ANKRD12: variants seen among roughly 807,000 people sequenced by gnomAD.
The protein encoded by ANKRD12 is ankyrin repeat domain 12.
In ANKRD12, 85 loss-of-function variants were observed where a neutral mutation model predicts 183.4. The observed-to-expected ratio is 0.46, with a 90% CI of 0.39 to 0.56. The LOEUF (loss-of-function observed/expected upper bound fraction) is 0.56. ANKRD12 is among the 20% of genes least tolerant of loss of function. ANKRD12 has a pLI of 0.00. For missense variants in ANKRD12, 2,405 were observed against 2,357.1 expected (o/e 1.02, Z -0.42); for synonymous variants, 914 against 800.2 (o/e 1.14, Z -2.40).
At chr18:9,267,908 A>G (rs1345124319) in intron 10 of ANKRD12, among the ~76,000 whole-genome samples, 1 of 152,204 alleles carries the variant, frequency 6.6e-6, no homozygotes, top group African/African-American at 2.4e-5. Flanking sequence ...GAGAAGAATC[A>G]AGTAGACGCA....
intron 10 of ANKRD12, among the ~76,000 whole-genome samples, chr18:9,265,372 C>T (rs558977714): frequency 1.6e-4 from 24 of 152,324 alleles, no homozygotes; most frequent in African/African-American, 3.8e-4. Context: ...GGGAGGCACC[C>T]CCCCAGTAGG....
chr18:9,156,152 A>AG (rs1321380448), intron 1 of ANKRD12, among the ~76,000 whole-genome samples: 228 of 148,812 alleles, frequency 1.5e-3, no homozygotes, highest in African/African-American at 5.6e-3. Context: ...AAAAAAAAAA[A>AG]AAAGAAAAAG....
At chr18:9,248,831 G>T (rs1009241119) in intron 8 of ANKRD12, among the ~76,000 whole-genome samples, 5 of 152,214 alleles carry the variant, frequency 3.3e-5, no homozygotes, top group African/African-American at 1.2e-4. Flanking sequence ...ATGGCAGTTA[G>T]TATGGGAAGT....
intron 1 of ANKRD12, among the ~76,000 whole-genome samples, chr18:9,156,730 A>C (rs943561759): frequency 2.6e-5 from 4 of 152,242 alleles, no homozygotes; most frequent in African/African-American, 9.6e-5. Flanking sequence ...ATATCCACTC[A>C]GCAAAATGTG....
At position 9,216,534 on chromosome 18, in the gene ANKRD12, C is replaced by T. The variant is rs138903684; in HGVS notation, c.653-224C>T. Among the ~76,000 whole-genome samples the T allele has an allele frequency of 3.6e-3, 555 of 152,260 alleles. 4 individuals carry two copies. The highest frequency in any genetic ancestry group is 6.8e-3 in the Middle Eastern group (2 of 294). On this transcript the variant is annotated intron_variant, in intron 6 of 12. Coordinates refer to ENST00000262126, the MANE Select transcript of ANKRD12 (RefSeq NM_015208.5). ...TTTTGACTGCATGGGGGTTAACACC[C>T]CTAACCTTCACCTTGTTCAAGGGTC... is the stretch of plus-strand genomic sequence containing the variant.
At chr18:9,141,504 C>A (rs2078314633) in intron 1 of ANKRD12, among the ~76,000 whole-genome samples, 1 of 152,104 alleles carries the variant, frequency 6.6e-6, no homozygotes, top group Non-Finnish European at 1.5e-5. Context: ...TTAGTGCGAT[C>A]CTCCAAAATT....
chr18:9,252,938 A>C (rs1223155551), intron 8 of ANKRD12, among the ~76,000 whole-genome samples: 1 of 152,212 alleles, frequency 6.6e-6, no homozygotes, highest in African/African-American at 2.4e-5. Context: ...AAAAAAGTGC[A>C]TATGTGCAGA....
At chr18:9,260,967 T>A (rs1034896929) in intron 9 of ANKRD12, among the ~76,000 whole-genome samples, 1 of 152,130 alleles carries the variant, frequency 6.6e-6, no homozygotes, top group Non-Finnish European at 1.5e-5. Flanking sequence ...CCTTTCCTGT[T>A]CCCTCCTGTG....
At position 9,257,158 on chromosome 18, in the gene ANKRD12, T is replaced by A; in HGVS notation, c.3891T>A (p.Ile1297=). ...RSSSVEDVKL[I]ISEGRPTIEV... is the part of the protein sequence containing the mutation. ...CTTCTGTAGAAGATGTTAAACTAAT[T>A]ATAAGCGAGGGGAGACCTACCATAG... The change falls in exon 9 of 13, where the codon ATT becomes ATA. Residue 1297 remains isoleucine (I), a synonymous_variant. Coordinates refer to ENST00000262126, the MANE Select transcript of ANKRD12 (RefSeq NM_015208.5). 6.2e-7 allele frequency: 1 copy of A among 1,614,146 alleles called. No homozygotes were observed. The highest frequency in any genetic ancestry group is 8.5e-7 in the Non-Finnish European group (1 of 1,179,994).
chr18:9,272,829 GT>G (rs1334922407), intron 10 of ANKRD12, among the ~76,000 whole-genome samples: 1 of 151,780 alleles, frequency 6.6e-6, no homozygotes, highest in Non-Finnish European at 1.5e-5. Flanking sequence ...ATGTTTCTTT[GT>G]TTTTTTCATG....
intron 8 of ANKRD12, chr18:9,239,683 A>G: frequency 3.1e-6 from 1 of 323,154 alleles, no homozygotes; most frequent in Non-Finnish European, 6.0e-6. Context: ...ATCTAAATTC[A>G]GAACATACTA....
In ANKRD12 at chr18:9,281,938, A is replaced by AG. The variant is rs1427467407; in HGVS notation, c.*813dup. 1.3e-5 allele frequency: 2 copies of AG among 152,608 alleles called. No individual in the cohort carries two copies. The highest frequency in any genetic ancestry group is 2.9e-5 in the Non-Finnish European group (2 of 68,014). 9.5% of individuals were successfully genotyped at this position (152,608 alleles called of 1,614,324 possible). A position where few individuals can be genotyped will look rare whatever the true frequency, so the allele number is the denominator to read the frequency against. ...TTAACTCTCCATAATTGATGCCTGC[A>AG]GTAGTGTAAGGCATTTCATACTAGT... On this transcript the variant is annotated 3_prime_UTR_variant, in exon 13 of 13. Coordinates refer to ENST00000262126, the MANE Select transcript of ANKRD12 (RefSeq NM_015208.5).
chr18:9,186,136 G>GTTTTTTTTTTTTTTT (rs1280812557), intron 2 of ANKRD12, among the ~76,000 whole-genome samples: 87 of 141,904 alleles, frequency 6.1e-4, no homozygotes, highest in Non-Finnish European at 1.0e-3. Flanking sequence ...CTAAAAGTGT[G>GTTTTTTTTTTTTTTT]ATTTTTTTTT....
chr18:9,205,355 A>C (rs781046826), intron 4 of ANKRD12, among the ~76,000 whole-genome samples: 1 of 151,854 alleles, frequency 6.6e-6, no homozygotes, highest in East Asian at 1.9e-4. Flanking sequence ...CTAAGTGTCT[A>C]GTTTTCAGCA....
At chr18:9,173,547 G>T (rs1157160184) in intron 1 of ANKRD12, among the ~76,000 whole-genome samples, 4 of 147,052 alleles carry the variant, frequency 2.7e-5, no homozygotes, top group Admixed American at 1.4e-4. Flanking sequence ...TATATCACCA[G>T]TGAAGGCTGT....
chr18:9,180,083 T>C (rs963576922), intron 1 of ANKRD12, among the ~76,000 whole-genome samples: 3 of 152,134 alleles, frequency 2.0e-5, no homozygotes, highest in African/African-American at 7.2e-5. Flanking sequence ...AGTTATGAAT[T>C]TATCTATTTT....
intron 1 of ANKRD12, among the ~76,000 whole-genome samples, chr18:9,152,817 T>C (rs1367311822): frequency 1.3e-5 from 2 of 152,144 alleles, no homozygotes; most frequent in Admixed American, 1.3e-4. Flanking sequence ...CTTTAAATGC[T>C]TTCTCACTTT....
chr18:9,211,744 A>G lies in ANKRD12; in HGVS notation c.612A>G (p.Leu204=). ...GAGATGTGAAACAAGTTAAAGAATT[A>G]ATAAGTTTAGGGGCAAATGTGAATG... ...IRGDVKQVKE[L]ISLGANVNVK... The change falls in exon 6 of 13, where the codon TTA becomes TTG. Residue 204 remains leucine, a synonymous_variant. Coordinates refer to ENST00000262126, the MANE Select transcript of ANKRD12 (RefSeq NM_015208.5). 1 of 1,613,756 alleles carries G rather than the reference A, an allele frequency of 6.2e-7. No homozygotes were observed. The highest frequency in any genetic ancestry group is 8.5e-7 in the Non-Finnish European group (1 of 1,179,792).
chr18:9,284,181 T>A lies in ANKRD12; in HGVS notation c.*3055T>A, dbSNP rs1048947995. On this transcript the variant is annotated 3_prime_UTR_variant, in exon 13 of 13. Transcript: ENST00000262126. ...CCAATAGACTTGCTTGAAGCAGGGTTGCCACAAACCTTCAATTTGTAAAAA... is the reference window on the plus strand; with the variant it reads ...CCAATAGACTTGCTTGAAGCAGGGTAGCCACAAACCTTCAATTTGTAAAAA... 2.0e-5 allele frequency: 3 copies of A among 152,328 alleles called. No homozygotes were observed. The highest frequency in any genetic ancestry group is 7.2e-5 in the African/African-American group (3 of 41,576). The allele number at this position is 152,328 out of a possible 1,614,324, so 9.4% of individuals were successfully genotyped here. A position where few individuals can be genotyped will look rare whatever the true frequency, so the allele number is the denominator to read the frequency against.
Sources: gnomAD v4.1 joint callset for allele counts (sites outside exome capture counted in the v4.1 genomes callset) on GRCh38, gnomAD v4.1.1 for gene constraint, MANE v1.5 for transcripts, NCBI Gene and HGNC (gene_info 2026-07-23, HGNC 2026-07-21) for gene names.